CCDC3: variants seen among roughly 807,000 people sequenced by gnomAD.
The protein encoded by CCDC3 is coiled-coil domain containing 3, also known as coiled-coil domain-containing protein 3.
Under a neutral mutation model 21.4 loss-of-function variants are expected in CCDC3, and 24 were observed. The observed-to-expected ratio is 1.12, with a 90% CI of 0.81 to 1.58. The LOEUF is 1.58. CCDC3 is among the 40% of genes most tolerant of loss of function. The pLI is 0.00. For missense variants in CCDC3, 425 were observed against 360.9 expected, an observed-to-expected ratio of 1.18 and a Z score of -1.44; for synonymous variants, 186 against 166.0, an observed-to-expected ratio of 1.12 and a Z score of -0.93.
intron 2 of CCDC3, among the ~76,000 whole-genome samples, chr10:12,901,497 T>C (rs913274087): frequency 6.6e-6 from 1 of 152,194 alleles, no homozygotes; most frequent in South Asian, 2.1e-4. Context: ...ATGGTCTCGA[T>C]TTCCTGACCT....
intron 5 of CCDC3, among the ~76,000 whole-genome samples, chr10:13,044,163 G>A (rs1836495814): frequency 6.6e-6 from 1 of 152,170 alleles, no homozygotes; most frequent in Admixed American, 6.5e-5. Context: ...CTTCTTTTGA[G>A]AAGTGTCTGC....
chr10:12,939,958 C>T (rs1436051473), intron 2 of CCDC3, among the ~76,000 whole-genome samples: 2 of 152,104 alleles, frequency 1.3e-5, no homozygotes, highest in Non-Finnish European at 2.9e-5. Context: ...GTTCAAAGGT[C>T]GGAGGCCTTT....
At chr10:12,920,504 C>G (rs1320011253) in intron 2 of CCDC3, among the ~76,000 whole-genome samples, 8 of 152,188 alleles carry the variant, frequency 5.3e-5, no homozygotes, top group African/African-American at 1.2e-4. Flanking sequence ...GTTTCCTCGA[C>G]TGAGGACTTT....
chr10:12,920,436 A>G (rs549937463), intron 2 of CCDC3, among the ~76,000 whole-genome samples: 4 of 152,324 alleles, frequency 2.6e-5, no homozygotes, highest in Admixed American at 2.6e-4. Flanking sequence ...TCAAATGTGG[A>G]CATTTCAGGG....
intron 2 of CCDC3, among the ~76,000 whole-genome samples, chr10:12,977,438 C>T (rs1380801975): frequency 6.6e-6 from 1 of 152,128 alleles, no homozygotes; most frequent in African/African-American, 2.4e-5. Flanking sequence ...ATAAACTTCT[C>T]AAAGGAAGAG....
intron 2 of CCDC3, among the ~76,000 whole-genome samples, chr10:12,965,522 T>A (rs1835250270): frequency 6.6e-6 from 1 of 152,232 alleles, no homozygotes; most frequent in Non-Finnish European, 1.5e-5. Flanking sequence ...CTACTCCCGA[T>A]GATTGTTAGA....
Position 12,897,591 on chromosome 10 carries a change from A to G in CCDC3, c.*825T>C, listed in dbSNP as rs1834019978. 2 of 152,186 alleles carry G rather than the reference A, an allele frequency of 1.3e-5. No homozygotes were observed. The highest frequency in any genetic ancestry group is 1.5e-5 in the Non-Finnish European group (1 of 68,034). The allele number at this position is 152,186 out of a possible 1,614,324, so 9.4% of individuals were successfully genotyped here. On this transcript the variant is annotated 3_prime_UTR_variant, in exon 3 of 3. Coordinates refer to ENST00000378825, the MANE Select transcript of CCDC3 (RefSeq NM_031455.4). ...CTCACTTTGAGTTCAGAGACATTAGAAACAATTACTCAGCAAACAAGAAGT... is the reference window on the plus strand; with the variant it reads ...CTCACTTTGAGTTCAGAGACATTAGGAACAATTACTCAGCAAACAAGAAGT...
intron 5 of CCDC3, among the ~76,000 whole-genome samples, chr10:13,016,334 GAA>G (rs72075391): frequency 0.22 from 17,383 of 78,290 alleles, 1,198 homozygotes; most frequent in Middle Eastern, 0.31. Flanking sequence ...TTGGTAAAGC[GAA>G]AAAAAAAAAA....
At chr10:13,098,365 G>T (rs1832657860) in intron 3 of CCDC3, among the ~76,000 whole-genome samples, 1 of 152,114 alleles carries the variant, frequency 6.6e-6, no homozygotes, top group Non-Finnish European at 1.5e-5. Context: ...CCAAGCTGGA[G>T]TGCAGTGCTG....
At chr10:12,946,540 C>G (rs1010756783) in intron 2 of CCDC3, among the ~76,000 whole-genome samples, 2 of 152,156 alleles carry the variant, frequency 1.3e-5, no homozygotes, top group African/African-American at 2.4e-5. Context: ...CAGGTCATTT[C>G]TCTACTTTGC....
At chr10:12,969,653 G>C (rs1394010440) in intron 2 of CCDC3, among the ~76,000 whole-genome samples, 2 of 148,964 alleles carry the variant, frequency 1.3e-5, no homozygotes, top group Non-Finnish European at 3.0e-5. Flanking sequence ...TATATGGTAG[G>C]ATATTATTCA....
At chr10:13,076,192 C>A (rs1221633319) in intron 3 of CCDC3, among the ~76,000 whole-genome samples, 2 of 152,226 alleles carry the variant, frequency 1.3e-5, no homozygotes, top group South Asian at 2.1e-4. Context: ...AAATTTCTAA[C>A]TTAGCAAATG....
chr10:13,081,065 A>G (rs17152818), intron 3 of CCDC3, among the ~76,000 whole-genome samples: 50,066 of 152,056 alleles, frequency 0.33, 8,450 homozygotes, highest in African/African-American at 0.41. Context: ...GCAAAGTCCT[A>G]ACAAAATAAG....
intron 2 of CCDC3, among the ~76,000 whole-genome samples, chr10:12,902,490 T>A (rs930520561): frequency 1.3e-5 from 2 of 152,160 alleles, no homozygotes; most frequent in Non-Finnish European, 2.9e-5. Flanking sequence ...TTTCTACAAG[T>A]TATGGTAGAT....
At chr10:12,953,098 A>C (rs555532059) in intron 2 of CCDC3, among the ~76,000 whole-genome samples, 40 of 152,314 alleles carry the variant, frequency 2.6e-4, no homozygotes, top group African/African-American at 9.4e-4. Flanking sequence ...AGGAAAAAAA[A>C]AGTTTAATGG....
At chr10:13,010,362 G>A (rs1411196548) in intron 5 of CCDC3, among the ~76,000 whole-genome samples, 1 of 152,090 alleles carries the variant, frequency 6.6e-6, no homozygotes, top group African/African-American at 2.4e-5. Flanking sequence ...TGGCAAATAA[G>A]TGCATGAAAA....
chr10:13,094,613 C>T (rs559295343), intron 3 of CCDC3, among the ~76,000 whole-genome samples: 6 of 151,954 alleles, frequency 3.9e-5, no homozygotes, highest in Non-Finnish European at 5.9e-5. Flanking sequence ...TCTGTAATTC[C>T]AGCACTTTGG....
chr10:12,913,365 T>C (rs1352709858), intron 2 of CCDC3, among the ~76,000 whole-genome samples: 1 of 152,246 alleles, frequency 6.6e-6, no homozygotes, highest in Non-Finnish European at 1.5e-5. Context: ...ATTGTTTTAT[T>C]GATTTCTTTT....
intron 4 of CCDC3, among the ~76,000 whole-genome samples, chr10:13,063,011 C>T (rs116084076): frequency 2.2e-4 from 32 of 146,950 alleles, no homozygotes; most frequent in Non-Finnish European, 3.1e-4. Context: ...ACTGGCTTAC[C>T]GATTTCATCT....
Sources: allele counts gnomAD v4.1 joint callset (sites outside exome capture counted in the v4.1 genomes callset), GRCh38; gene constraint gnomAD v4.1.1; transcripts MANE v1.5; gene names NCBI Gene and HGNC (gene_info 2026-07-23, HGNC 2026-07-21).